Variants in PUM2 observed in about 807,000 individuals in gnomAD.
PUM2 encodes the protein pumilio RNA binding family member 2.
PUM2 carries 57 observed loss-of-function variants against 124.5 expected under a neutral mutation model. The ratio of observed to expected loss-of-function variants is 0.46; its 90% confidence interval spans 0.37 to 0.57. The LOEUF (loss-of-function observed/expected upper bound fraction) is 0.57, where lower values mean the gene tolerates loss of function less well. Among genes scored for constraint, PUM2 ranks in the 20% least tolerant of loss-of-function variants. The pLI is 0.00. For missense variants in PUM2, 1,065 were observed against 1,290.6 expected, an observed-to-expected ratio of 0.83 and a Z score of 2.68; for synonymous variants, 460 against 446.1, an observed-to-expected ratio of 1.03 and a Z score of -0.39.
intron 7 of PUM2, among the ~76,000 whole-genome samples, chr2:20,299,980 G>A (rs2148375798): frequency 6.6e-6 from 1 of 152,278 alleles, no homozygotes; most frequent in East Asian, 1.9e-4. Context: ...AGAGGTTGTG[G>A]AAACAACAGT....
chr2:20,273,046 G>A (rs1224176524), intron 13 of PUM2, among the ~76,000 whole-genome samples: 1 of 152,128 alleles, frequency 6.6e-6, no homozygotes, highest in Non-Finnish European at 1.5e-5. Context: ...TATTTTAAAG[G>A]CTACCTTTTG....
At chr2:20,260,088 G>A (rs893541893) in intron 15 of PUM2, among the ~76,000 whole-genome samples, 5 of 152,136 alleles carry the variant, frequency 3.3e-5, no homozygotes, top group African/African-American at 1.2e-4. Flanking sequence ...ATTTTACATA[G>A]AGAAATGTCT....
rs34213990 is a variant in PUM2 at position 20,254,943 on chromosome 2, G to A, written c.2790C>T (p.His930=). Residue 930 remains histidine, a synonymous_variant, in exon 19 of 21, where the codon CAC becomes CAT. Transcript: ENST00000361078. ...TTTTGCTCTTGTCTTCAGGTCGACC[G>A]TGTTCCAGTACATGCTGAATAACAT... ...GNYVIQHVLE[H]GRPEDKSKIV... The A allele has an allele frequency of 7.0e-4, 1,136 of 1,613,556 alleles. 10 individuals carry two copies. Among genetic ancestry groups the A allele is most frequent in the Admixed American group, 5.3e-4 (32 of 59,980 alleles).
In PUM2 at chr2:20,313,890, C is replaced by T. The variant is rs1442159600; in HGVS notation, c.161-1467G>A. On this transcript the variant is annotated intron_variant, in intron 3 of 20. Coordinates refer to ENST00000361078, the MANE Select transcript of PUM2 (RefSeq NM_015317.5). Reference sequence around the variant, plus strand: ...AGGGGCAGTGACTCACTCCTGTAATCCCAGTACTTTGACAGACTGAGGCGG... The same window carrying T: ...AGGGGCAGTGACTCACTCCTGTAATTCCAGTACTTTGACAGACTGAGGCGG... Among the ~76,000 whole-genome samples, 3 of 146,910 alleles carry T rather than the reference C, an allele frequency of 2.0e-5. 1 individual carries two copies. The highest frequency in any genetic ancestry group is 6.9e-5 in the Admixed American group (1 of 14,502).
intron 3 of PUM2, among the ~76,000 whole-genome samples, chr2:20,315,108 G>A (rs1267608863): frequency 6.3e-5 from 8 of 126,224 alleles, no homozygotes; most frequent in African/African-American, 2.5e-4. Flanking sequence ...TCACTATATT[G>A]CCCAGCTGGT....
intron 1 of PUM2, among the ~76,000 whole-genome samples, chr2:20,336,655 C>G (rs922643829): frequency 1.3e-5 from 2 of 149,134 alleles, no homozygotes; most frequent in African/African-American, 5.0e-5. Context: ...TAACTGGGAC[C>G]ACAGGTGCCA....
chr2:20,281,088 A>C (rs1277166380), intron 12 of PUM2, among the ~76,000 whole-genome samples: 2 of 152,180 alleles, frequency 1.3e-5, no homozygotes, highest in African/African-American at 4.8e-5. Flanking sequence ...GGCAGTGTGC[A>C]AACTTGTAAG....
intron 13 of PUM2, among the ~76,000 whole-genome samples, chr2:20,266,852 ATAAAGG>A (rs890827244): frequency 1.4e-5 from 2 of 147,808 alleles, no homozygotes; most frequent in Admixed American, 6.6e-5. Flanking sequence ...TCTCTTTCTT[ATAAAGG>A]TAATCAGTGT....
At chr2:20,328,240 G>A (rs1263134594) in intron 1 of PUM2, among the ~76,000 whole-genome samples, 1 of 152,204 alleles carries the variant, frequency 6.6e-6, no homozygotes, top group East Asian at 1.9e-4. Flanking sequence ...GGTGGCAGAA[G>A]AATTGCTTGA....
At position 20,308,602 on chromosome 2, in the gene PUM2, A is replaced by G. The variant is rs1678900925; in HGVS notation, c.519-18T>C. ...GAGTACGACTACATAAAGAAAATAG[A>G]AAAGCATTATGAATAAAAGTAACAA... On this transcript the variant is annotated intron_variant, in intron 5 of 20. Transcript: ENST00000361078. 2 of 1,574,536 alleles carry G rather than the reference A, an allele frequency of 1.3e-6. No individual in the cohort carries two copies. Among genetic ancestry groups the G allele is most frequent in the Admixed American group, 2.0e-5 (1 of 50,754 alleles).
chr2:20,298,653 G>A (rs541917546), intron 7 of PUM2, among the ~76,000 whole-genome samples: 1 of 152,268 alleles, frequency 6.6e-6, no homozygotes, highest in South Asian at 2.1e-4. Flanking sequence ...TGGAATACCT[G>A]AGGTCAGGAG....
rs141011373 is a variant in PUM2 at position 20,347,369 on chromosome 2, A to C, written c.-19+3228T>G. Among the ~76,000 whole-genome samples, 997 of 152,320 alleles carry C rather than the reference A, an allele frequency of 6.5e-3. 6 individuals are homozygous for C. The highest frequency in any genetic ancestry group is 0.022 in the African/African-American group (921 of 41,568). On this transcript the variant is annotated intron_variant, in intron 1 of 20. Coordinates refer to ENST00000361078, the MANE Select transcript of PUM2 (RefSeq NM_015317.5). ...AAAAGATAACTCTCGAGTTATTTGA[A>C]GAAAAAGTCACTAAGGAAAAAAAAC...
intron 1 of PUM2, among the ~76,000 whole-genome samples, chr2:20,345,948 TC>T (rs1334043128): frequency 6.6e-6 from 1 of 152,214 alleles, no homozygotes; most frequent in Non-Finnish European, 1.5e-5. Context: ...GGACTGAATG[TC>T]CATACTCCAT....
At chr2:20,257,043 CAAAAAAAAAAAAAA>C (rs58072146) in intron 16 of PUM2, among the ~76,000 whole-genome samples, 2,890 of 71,996 alleles carry the variant, frequency 0.04, 70 homozygotes, top group Non-Finnish European at 0.051. Flanking sequence ...GATTCCGTCT[CAAAAAAAAAAAAAA>C]AAAAAAAAAA....
At chr2:20,311,315 T>G (rs1219356226) in intron 5 of PUM2, among the ~76,000 whole-genome samples, 179 bp downstream of exon 5, 1 of 152,120 alleles carries the variant, frequency 6.6e-6, no homozygotes, top group Non-Finnish European at 1.5e-5. Context: ...GATTATTTTT[T>G]TAAAATGGTT....
At chr2:20,267,911 GT>G (rs2148662073) in intron 13 of PUM2, among the ~76,000 whole-genome samples, 1 of 152,298 alleles carries the variant, frequency 6.6e-6, no homozygotes. Context: ...AACTCCAGTA[GT>G]TTAGCCTTAT....
Position 20,263,323 on chromosome 2 carries a change from T to C in PUM2, c.2095A>G (p.Arg699Gly), listed in dbSNP as rs1320588818. 1 of 1,614,036 alleles carries C rather than the reference T, an allele frequency of 6.2e-7. No individual in the cohort carries two copies. The highest frequency in any genetic ancestry group is 1.3e-5 in the African/African-American group (1 of 74,924). ...LFPPSRLRYN[R>G]SDIMPSGRSR... ...CGGCCAGAAGGCATAATATCAGACC[T>C]ATTATACCGAAGCCGGGAAGGAGGA... Residue 699 changes from arginine to glycine, a missense_variant, in exon 14 of 21, where the codon AGG becomes GGG. Transcript: ENST00000361078.
intron 1 of PUM2, among the ~76,000 whole-genome samples, chr2:20,344,617 A>C (rs1461321026): frequency 2.6e-5 from 4 of 152,162 alleles, no homozygotes; most frequent in Non-Finnish European, 5.9e-5. Flanking sequence ...TATCAGGATT[A>C]CTACGGCTAT....
In PUM2 at chr2:20,283,140, C is replaced by T. The variant is rs769389110; in HGVS notation, c.1527G>A (p.Gln509=). ...GATTAGTGCTTGGCTGCTGTTGCTG[C>T]TGCTGTGGTGGCTGAGTGCCAATTG... ...FRPIGTQPPQ[Q]QQQQPSTNLQ... Residue 509 remains glutamine (Q), a synonymous_variant, in exon 12 of 21, where the codon CAG becomes CAA. Transcript: ENST00000361078. 2 of 1,614,174 alleles carry T rather than the reference C, an allele frequency of 1.2e-6. No individual in the cohort carries two copies. The highest frequency in any genetic ancestry group is 2.2e-5 in the East Asian group (1 of 44,880).
Sources: gnomAD v4.1 joint callset for allele counts (sites outside exome capture counted in the v4.1 genomes callset) on GRCh38, gnomAD v4.1.1 for gene constraint, MANE v1.5 for transcripts, NCBI Gene and HGNC (gene_info 2026-07-23, HGNC 2026-07-21) for gene names.